PTPRK: variants seen among roughly 807,000 people sequenced by gnomAD.
PTPRK encodes protein tyrosine phosphatase receptor type K.
PTPRK carries 75 observed loss-of-function variants against 178.0 expected under a neutral mutation model. The observed-to-expected ratio is 0.42, with a 90% CI of 0.35 to 0.51. The LOEUF (loss-of-function observed/expected upper bound fraction) is 0.51, where lower values mean the gene tolerates loss of function less well. PTPRK is among the 20% of genes least tolerant of loss of function. The probability of loss-of-function intolerance (pLI) is 0.02; values close to 1 mark genes in which losing one functional copy is unlikely to be tolerated. For missense variants in PTPRK, 1,441 were observed against 1,797.8 expected, an observed-to-expected ratio of 0.80 and a Z score of 3.59; for synonymous variants, 637 against 620.6, an observed-to-expected ratio of 1.03 and a Z score of -0.39.
intron 1 of PTPRK, among the ~76,000 whole-genome samples, chr6:128,457,072 G>A (rs1010859761): frequency 5.3e-5 from 8 of 151,942 alleles, no homozygotes; most frequent in Non-Finnish European, 7.4e-5. Context: ...CAATGTTTCC[G>A]CATTATGACT....
chr6:128,259,027 G>T (rs1306941324), intron 3 of PTPRK, among the ~76,000 whole-genome samples: 1 of 152,190 alleles, frequency 6.6e-6, no homozygotes, highest in African/African-American at 2.4e-5. Flanking sequence ...TCAGTCTGCT[G>T]TGAGGAGAAG....
chr6:128,184,795 A>G, intron 6 of PTPRK, 70 bp from the exon 7 acceptor site: 1 of 1,435,106 alleles, frequency 7.0e-7, no homozygotes, highest in Non-Finnish European at 9.5e-7. Context: ...AGTGTCTAAT[A>G]AGGCCTAAAT....
intron 11 of PTPRK, among the ~76,000 whole-genome samples, chr6:128,068,940 T>C (rs1183120137): frequency 7.7e-6 from 1 of 130,700 alleles, no homozygotes; most frequent in African/African-American, 2.9e-5. Flanking sequence ...TAGAGGGGAG[T>C]GGGGAGGAGA....
intron 2 of PTPRK, among the ~76,000 whole-genome samples, chr6:128,360,748 A>G (rs1834627418): frequency 6.6e-6 from 1 of 152,154 alleles, no homozygotes; most frequent in South Asian, 2.1e-4. Context: ...TGAAATTAAT[A>G]GCTAGGAAAC....
chr6:128,413,375 T>C (rs1481036066), intron 1 of PTPRK, among the ~76,000 whole-genome samples: 1 of 152,106 alleles, frequency 6.6e-6, no homozygotes, highest in Non-Finnish European at 1.5e-5. Flanking sequence ...TAAATGATCA[T>C]TTATTTAAAA....
intron 2 of PTPRK, among the ~76,000 whole-genome samples, chr6:128,390,125 A>C (rs1358736146): frequency 6.6e-6 from 1 of 152,134 alleles, no homozygotes; most frequent in Non-Finnish European, 1.5e-5. Flanking sequence ...ATAAGCCCAT[A>C]ATTCTCATCC....
At chr6:128,134,530 A>AG (rs1317309474) in intron 7 of PTPRK, among the ~76,000 whole-genome samples, 1 of 152,152 alleles carries the variant, frequency 6.6e-6, no homozygotes, top group Non-Finnish European at 1.5e-5. Flanking sequence ...AAGCAGAGCC[A>AG]GGCACAGTGG....
intron 25 of PTPRK, among the ~76,000 whole-genome samples, chr6:127,979,856 A>G (rs1438578972): frequency 6.6e-6 from 1 of 152,230 alleles, no homozygotes; most frequent in Non-Finnish European, 1.5e-5. Flanking sequence ...AAAAGATTAT[A>G]AACCATGATA....
chr6:128,200,737 T>C, intron 6 of PTPRK, among the ~76,000 whole-genome samples: 1 of 149,610 alleles, frequency 6.7e-6, no homozygotes, highest in Non-Finnish European at 1.5e-5. Flanking sequence ...AAAAGTTTTC[T>C]AATGCTATTT....
chr6:128,138,007 A>G (rs1418966775), intron 7 of PTPRK, among the ~76,000 whole-genome samples: 1 of 152,150 alleles, frequency 6.6e-6, no homozygotes, highest in Non-Finnish European at 1.5e-5. Context: ...AAAGACACAG[A>G]TATTTGACTT....
intron 5 of PTPRK, among the ~76,000 whole-genome samples, chr6:128,227,044 G>C (rs1811465787): frequency 6.6e-6 from 1 of 151,986 alleles, no homozygotes; most frequent in African/African-American, 2.4e-5. Flanking sequence ...TGATGCAGCA[G>C]TAGAGGCATG....
chr6:128,472,518 AAAG>A (rs1270522821), intron 1 of PTPRK, among the ~76,000 whole-genome samples: 1 of 151,572 alleles, frequency 6.6e-6, no homozygotes, highest in Admixed American at 6.6e-5. Flanking sequence ...AGACTAACAC[AAAG>A]AACTCCTGAA....
In PTPRK at chr6:128,519,246, G is replaced by A. The variant is rs1858593716; in HGVS notation, c.100+1013C>T. The A allele has an allele frequency of 2.5e-6, 1 of 395,620 alleles. No homozygotes were observed. The highest frequency in any genetic ancestry group is 5.0e-6 in the Non-Finnish European group (1 of 200,148). 24.5% of individuals were successfully genotyped at this position (395,620 alleles called of 1,614,324 possible). A position where few individuals can be genotyped will look rare whatever the true frequency, so the allele number is the denominator to read the frequency against. ...CTGGTGAAACTTCAGAGCCCCCAGA[G>A]GAGAGAACGAAAGAAGCAACCAACC... On this transcript the variant is annotated intron_variant, in intron 1 of 29. Coordinates refer to ENST00000368226, the MANE Select transcript of PTPRK (RefSeq NM_002844.4). The surrounding 1 kb of genome is among the most constrained non-coding windows in gnomAD (Gnocchi z 4.3).
chr6:128,274,742 C>T (rs992626941), intron 3 of PTPRK, among the ~76,000 whole-genome samples: 1 of 151,804 alleles, frequency 6.6e-6, no homozygotes, highest in African/African-American at 2.4e-5. Context: ...ATTTGTAGAC[C>T]AGATTACAGG....
At chr6:128,168,323 A>T (rs1799708591) in intron 7 of PTPRK, among the ~76,000 whole-genome samples, 1 of 152,094 alleles carries the variant, frequency 6.6e-6, no homozygotes, top group Non-Finnish European at 1.5e-5. Flanking sequence ...TTGCAGGTGG[A>T]AATGAAAGTT....
intron 1 of PTPRK, among the ~76,000 whole-genome samples, chr6:128,510,443 T>C (rs150582742): frequency 0.022 from 3,360 of 152,330 alleles, 58 homozygotes; most frequent in Middle Eastern, 0.058. Context: ...TGCTCAGATA[T>C]ACATAATAAA....
chr6:128,428,876 A>G (rs1844491168), intron 1 of PTPRK, among the ~76,000 whole-genome samples: 1 of 152,196 alleles, frequency 6.6e-6, no homozygotes, highest in Non-Finnish European at 1.5e-5. Context: ...GATATTCAAC[A>G]CTTTATTATA....
intron 2 of PTPRK, among the ~76,000 whole-genome samples, chr6:128,339,685 T>C (rs991184210): frequency 9.2e-5 from 14 of 152,256 alleles, no homozygotes; most frequent in Admixed American, 7.9e-4. Context: ...AAAATATCCT[T>C]CTGTACCTAA....
chr6:128,187,976 T>C (rs1299094861), intron 6 of PTPRK, among the ~76,000 whole-genome samples: 2 of 152,172 alleles, frequency 1.3e-5, no homozygotes, highest in African/African-American at 4.8e-5. Context: ...TTCAATAAAT[T>C]ATGCATGAAT....
Sources: allele counts gnomAD v4.1 joint callset (sites outside exome capture counted in the v4.1 genomes callset), GRCh38; gene constraint gnomAD v4.1.1; non-coding constraint Gnocchi (gnomAD v3.1); transcripts MANE v1.5; gene names NCBI Gene and HGNC (gene_info 2026-07-23, HGNC 2026-07-21).